The following OCA2 variants were observed in gnomAD, a reference collection of about 807,000 sequenced individuals.
OCA2 encodes the protein OCA2 melanosomal transmembrane protein.
Under a neutral mutation model 100.2 loss-of-function variants are expected in OCA2, and 77 were observed. The ratio of observed to expected loss-of-function variants is 0.77; its 90% confidence interval spans 0.64 to 0.93. OCA2 has a LOEUF of 0.93. OCA2 is among the 40% of genes least tolerant of loss of function. The pLI is 0.00. For synonymous variants in OCA2, 432 were observed against 439.2 expected (o/e 0.98, Z 0.21); for missense variants, 1,062 against 1,089.1 (o/e 0.98, Z 0.35).
At chr15:27,965,647 A>G (rs940471193) in intron 15 of OCA2, among the ~76,000 whole-genome samples, 1 of 152,212 alleles carries the variant, frequency 6.6e-6, no homozygotes, top group Non-Finnish European at 1.5e-5. Context: ...ACAGGCCAGC[A>G]GAATCACAAA....
At chr15:27,867,264 G>A (rs1326945074) in intron 21 of OCA2, among the ~76,000 whole-genome samples, 1 of 152,188 alleles carries the variant, frequency 6.6e-6, no homozygotes, top group African/African-American at 2.4e-5. Flanking sequence ...GTTGATGGAT[G>A]CGGAGGTATG....
intron 23 of OCA2, among the ~76,000 whole-genome samples, chr15:27,796,251 G>A (rs1278652876): frequency 6.6e-6 from 1 of 152,268 alleles, no homozygotes; most frequent in Non-Finnish European, 1.5e-5. Context: ...GTGTTTCTAA[G>A]ACTTCTATGA....
At chr15:27,962,984 T>C (rs1392742271) in intron 15 of OCA2, among the ~76,000 whole-genome samples, 2 of 152,154 alleles carry the variant, frequency 1.3e-5, no homozygotes, top group African/African-American at 4.8e-5. Flanking sequence ...AAAAATGAAA[T>C]TGTTATATTA....
chr15:27,892,113 AT>A (rs1178666390), intron 19 of OCA2, among the ~76,000 whole-genome samples: 4 of 152,300 alleles, frequency 2.6e-5, no homozygotes, highest in Admixed American at 6.5e-5. Flanking sequence ...ATTCATGTTT[AT>A]AATTGGGAAC....
At chr15:27,845,360 A>C (rs1022311829) in intron 22 of OCA2, among the ~76,000 whole-genome samples, 5 of 152,190 alleles carry the variant, frequency 3.3e-5, no homozygotes, top group African/African-American at 1.2e-4. Context: ...GAAAAACACA[A>C]GTGGGGCCAA....
chr15:27,911,060 G>C (rs975836122), intron 19 of OCA2, among the ~76,000 whole-genome samples: 31 of 152,158 alleles, frequency 2.0e-4, no homozygotes, highest in African/African-American at 7.5e-4. Context: ...GAGCAAAGGA[G>C]AACAGGATAG....
chr15:27,917,976 A>G (rs2038726281), intron 19 of OCA2, among the ~76,000 whole-genome samples: 1 of 151,946 alleles, frequency 6.6e-6, no homozygotes, highest in African/African-American at 2.4e-5. Flanking sequence ...AACTCCCCAT[A>G]TTTTAGACTA....
At chr15:28,060,726 T>C (rs996540363) in intron 2 of OCA2, among the ~76,000 whole-genome samples, 3 of 152,246 alleles carry the variant, frequency 2.0e-5, no homozygotes, top group Non-Finnish European at 2.9e-5. Context: ...TCTACTGCCA[T>C]ATCCCTTTAC....
the OCA2 span, among the ~76,000 whole-genome samples, chr15:27,730,760 TATATATATATATATATATG>T: frequency 4.5e-5 from 6 of 134,708 alleles, no homozygotes; most frequent in Non-Finnish European, 6.3e-5. Context: ...TATATATATA[TATATATATATATATATATG>T]TTTTTTTTTC....
At chr15:28,014,698 C>G (rs1404374664) in intron 9 of OCA2, 78 bp downstream of exon 9, 1 of 1,498,634 alleles carries the variant, frequency 6.7e-7, no homozygotes, top group Non-Finnish European at 9.1e-7. Flanking sequence ...GGACTGAGCC[C>G]ATCCAGAGTG....
In OCA2 at chr15:28,069,466, G is replaced by A. The variant is rs1298703495; in HGVS notation, c.227+12182C>T. 2.2e-4 allele frequency among the ~76,000 whole-genome samples: 25 copies of A among 115,306 alleles called. No individual in the cohort carries two copies. The South Asian group carries it at 6.3e-3, about 29-fold the overall frequency. 75.6% of individuals were successfully genotyped at this position (115,306 alleles called of 152,430 possible). A position where few individuals can be genotyped will look rare whatever the true frequency, so the allele number is the denominator to read the frequency against. ...CCCGGTCTCCCTCTCATGCGGGGCC[G>A]AAGCTGGACTGTACTGCTGCCATCT... On this transcript the variant is annotated intron_variant, in intron 2 of 23. Transcript: ENST00000354638.
At chr15:27,940,536 C>T (rs1204853233) in intron 18 of OCA2, among the ~76,000 whole-genome samples, 1 of 152,184 alleles carries the variant, frequency 6.6e-6, no homozygotes, top group Non-Finnish European at 1.5e-5. Flanking sequence ...CAGCAGGGAC[C>T]CTACTGACCA....
chr15:27,875,415 T>C (rs371150035), intron 19 of OCA2, among the ~76,000 whole-genome samples: 1 of 152,268 alleles, frequency 6.6e-6, no homozygotes, highest in African/African-American at 2.4e-5. Flanking sequence ...TATAACTTTG[T>C]AGTAGGTCAG....
chr15:27,869,931 T>C (rs2036477085), intron 21 of OCA2, among the ~76,000 whole-genome samples: 1 of 152,152 alleles, frequency 6.6e-6, no homozygotes, highest in South Asian at 2.1e-4. Flanking sequence ...AGTTCTCCAA[T>C]TTGGAACTTC....
chr15:27,764,144 G>A (rs1256530567), intron 23 of OCA2, among the ~76,000 whole-genome samples: 1 of 151,294 alleles, frequency 6.6e-6, no homozygotes, highest in Non-Finnish European at 1.5e-5. Flanking sequence ...GATCAGAGAG[G>A]GATACAGAAA....
intron 5 of OCA2, among the ~76,000 whole-genome samples, chr15:28,022,912 G>A (rs1162350017): frequency 6.6e-6 from 1 of 152,226 alleles, no homozygotes; most frequent in Non-Finnish European, 1.5e-5. Context: ...GTTTGTGGTA[G>A]CAGGTGTTTG....
downstream of OCA2, among the ~76,000 whole-genome samples, chr15:27,750,515 C>T (rs2030032189): frequency 6.6e-6 from 1 of 152,144 alleles, no homozygotes; most frequent in Admixed American, 6.5e-5. Context: ...TTTTATGTGT[C>T]CCTTACTCAG....
intron 19 of OCA2, among the ~76,000 whole-genome samples, chr15:27,883,680 A>G (rs1307786187): frequency 6.6e-6 from 1 of 152,146 alleles, no homozygotes; most frequent in Non-Finnish European, 1.5e-5. Context: ...CTCCATGACC[A>G]TCAGGTGTAC....
intron 23 of OCA2, among the ~76,000 whole-genome samples, chr15:27,766,617 T>C (rs897472163): frequency 1.3e-5 from 2 of 152,152 alleles, no homozygotes; most frequent in East Asian, 3.9e-4. Context: ...TGTCTGAAAC[T>C]CTGCTTTGTT....
Sources: allele counts gnomAD v4.1 joint callset (sites outside exome capture counted in the v4.1 genomes callset), GRCh38; gene constraint gnomAD v4.1.1; transcripts MANE v1.5; gene names NCBI Gene and HGNC (gene_info 2026-07-23, HGNC 2026-07-21).